The following CACNB2 variants were observed in gnomAD, a reference collection of about 807,000 sequenced individuals.
The protein encoded by CACNB2 is calcium voltage-gated channel auxiliary subunit beta 2, also known as voltage-dependent L-type calcium channel subunit beta-2.
Under a neutral mutation model 73.3 loss-of-function variants are expected in CACNB2, and 42 were observed. The ratio of observed to expected loss-of-function variants is 0.57; its 90% CI spans 0.45 to 0.74. CACNB2 has a LOEUF of 0.74. CACNB2 is among the 30% of genes least tolerant of loss of function. The pLI, the probability that CACNB2 is intolerant of heterozygous loss-of-function variation, is 0.00. For missense variants in CACNB2, 940 were observed against 853.0 expected (o/e 1.10, Z -1.27); for synonymous variants, 348 against 310.3 (o/e 1.12, Z -1.28).
chr10:18,502,848 C>T (rs1397085547), intron 5 of CACNB2, among the ~76,000 whole-genome samples: 3 of 151,818 alleles, frequency 2.0e-5, no homozygotes, highest in African/African-American at 4.8e-5. Context: ...GAAAAACCAC[C>T]TCCTGGGGCA....
At chr10:18,524,460 A>G (rs2052245996) in intron 9 of CACNB2, among the ~76,000 whole-genome samples, 1 of 151,684 alleles carries the variant, frequency 6.6e-6, no homozygotes, top group Non-Finnish European at 1.5e-5. Flanking sequence ...GTTTGAGACC[A>G]GCCTGGCCAA....
At position 18,234,643 on chromosome 10, in the gene CACNB2, T is replaced by G. The variant is rs931719920; in HGVS notation, c.213+83668T>G. Among the ~76,000 whole-genome samples the G allele has an allele frequency of 3.3e-5, 5 of 152,160 alleles. 1 individual carries two copies. The highest frequency in any genetic ancestry group is 7.3e-5 in the Non-Finnish European group (5 of 68,028). ...AAGGACAAATATGGCTTGATTCCAT[T>G]TACTTGAGGTACGTAGAGAAGACAA... is the stretch of plus-strand genomic sequence containing the variant. On this transcript the variant is annotated intron_variant, in intron 2 of 13. Transcript: ENST00000324631.
intron 3 of CACNB2, among the ~76,000 whole-genome samples, chr10:18,464,477 A>G (rs1027707731): frequency 1.4e-5 from 2 of 144,204 alleles, no homozygotes; most frequent in African/African-American, 5.0e-5. Flanking sequence ...TCACTCTTAG[A>G]TTCAATTTTT....
intron 3 of CACNB2, among the ~76,000 whole-genome samples, chr10:18,457,142 A>G (rs1179862074): frequency 1.3e-5 from 2 of 152,192 alleles, no homozygotes; most frequent in African/African-American, 2.4e-5. Context: ...TCCAAGCTGC[A>G]GTGCAGTGTG....
At chr10:18,363,723 A>G (rs923658680) in intron 2 of CACNB2, among the ~76,000 whole-genome samples, 2 of 151,906 alleles carry the variant, frequency 1.3e-5, no homozygotes, top group African/African-American at 4.8e-5. Flanking sequence ...TAACATACTC[A>G]TTATAGCTGT....
At chr10:18,444,785 C>G (rs2046652007) in intron 3 of CACNB2, among the ~76,000 whole-genome samples, 1 of 152,170 alleles carries the variant, frequency 6.6e-6, no homozygotes, top group Non-Finnish European at 1.5e-5. Context: ...TTCTCCCCTT[C>G]CATTTCATAG....
At chr10:18,158,390 T>C (rs1381125024) in intron 2 of CACNB2, among the ~76,000 whole-genome samples, 1 of 152,216 alleles carries the variant, frequency 6.6e-6, no homozygotes, top group Non-Finnish European at 1.5e-5. Flanking sequence ...ATGAATATTA[T>C]TTTCAAATTG....
At chr10:18,161,768 A>AT (rs2032483178) in intron 2 of CACNB2, among the ~76,000 whole-genome samples, 1 of 151,738 alleles carries the variant, frequency 6.6e-6, no homozygotes, top group Admixed American at 6.6e-5. Context: ...TACTAAAAAT[A>AT]TTTTTTAAAA....
intron 2 of CACNB2, among the ~76,000 whole-genome samples, chr10:18,373,487 G>A (rs1337957723): frequency 6.6e-6 from 1 of 152,150 alleles, no homozygotes; most frequent in Non-Finnish European, 1.5e-5. Flanking sequence ...GTTTTTATAT[G>A]CAAAATTTAC....
chr10:18,246,684 GA>G (rs1369845915), intron 2 of CACNB2, among the ~76,000 whole-genome samples: 1 of 152,122 alleles, frequency 6.6e-6, no homozygotes, highest in Non-Finnish European at 1.5e-5. Flanking sequence ...GGGCTCAAGT[GA>G]TCCTCCCGCC....
rs560256737 is a variant in CACNB2 at position 18,502,593 on chromosome 10, A to C, written c.593+1645A>C. ...ATAGTCCCAGCTACTTGAGAAGCTG[A>C]GGCAGAGAATCACTTCGAACCCGGG... is the stretch of plus-strand genomic sequence containing the variant. On this transcript the variant is annotated intron_variant, in intron 5 of 13. Coordinates refer to ENST00000324631, the MANE Select transcript of CACNB2 (RefSeq NM_201596.3). Among the ~76,000 whole-genome samples the C allele has an allele frequency of 1.2e-4, 17 of 147,148 alleles. No homozygotes were observed. The East Asian group carries it at 1.9e-3, about 17-fold the overall frequency.
intron 2 of CACNB2, among the ~76,000 whole-genome samples, chr10:18,370,945 C>G (rs903860380): frequency 1.3e-5 from 2 of 152,034 alleles, no homozygotes; most frequent in Non-Finnish European, 2.9e-5. Context: ...ATTCTCTTAC[C>G]TAAATATTTT....
At chr10:18,302,211 C>T (rs1343870312) in intron 2 of CACNB2, among the ~76,000 whole-genome samples, 1 of 152,062 alleles carries the variant, frequency 6.6e-6, no homozygotes, top group Non-Finnish European at 1.5e-5. Flanking sequence ...GAGATATTGT[C>T]CCAGTGATGC....
intron 2 of CACNB2, among the ~76,000 whole-genome samples, chr10:18,297,320 G>C (rs1448239925): frequency 6.6e-6 from 1 of 152,184 alleles, no homozygotes; most frequent in Non-Finnish European, 1.5e-5. Context: ...CAAGGTAGGG[G>C]ATCACTTGAG....
chr10:18,372,107 T>G (rs558689481), intron 2 of CACNB2, among the ~76,000 whole-genome samples: 1 of 152,320 alleles, frequency 6.6e-6, no homozygotes, highest in Non-Finnish European at 1.5e-5. Context: ...ATATTAGACC[T>G]TTGTCAGATG....
chr10:18,182,418 G>A (rs1215729519), intron 2 of CACNB2, among the ~76,000 whole-genome samples: 2 of 151,938 alleles, frequency 1.3e-5, no homozygotes, highest in East Asian at 3.9e-4. Context: ...AAAACTTTGA[G>A]TTCAATAATA....
intron 7 of CACNB2, among the ~76,000 whole-genome samples, chr10:18,517,261 T>G (rs1048359949): frequency 1.3e-5 from 2 of 152,226 alleles, no homozygotes; most frequent in African/African-American, 4.8e-5. Context: ...TATCGCAGTG[T>G]CTAAGGCCAT....
intron 2 of CACNB2, among the ~76,000 whole-genome samples, chr10:18,258,189 T>C (rs2037365228): frequency 6.6e-6 from 1 of 152,212 alleles, no homozygotes; most frequent in African/African-American, 2.4e-5. Context: ...TGGAATCCTT[T>C]TGTGGATTCT....
rs1169348993 is a variant in CACNB2 at position 18,542,783 on chromosome 10, TAC to T, written c.*3061_*3062del. 2.0e-5 allele frequency: 3 copies of T among 152,164 alleles called. No individual in the cohort carries two copies. The highest frequency in any genetic ancestry group is 7.2e-5 in the African/African-American group (3 of 41,440). The allele number at this position is 152,164 out of a possible 1,614,324, so 9.4% of individuals were successfully genotyped here. ...TTTACTGACCTGCGGAATGTAAAGT[TAC>T]AGTCTTTTCACACAACAAAGGCTTA... On this transcript the variant is annotated 3_prime_UTR_variant, in exon 14 of 14. Transcript: ENST00000324631.
Sources: gnomAD v4.1 joint callset for allele counts (sites outside exome capture counted in the v4.1 genomes callset) on GRCh38, gnomAD v4.1.1 for gene constraint, MANE v1.5 for transcripts, NCBI Gene and HGNC (gene_info 2026-07-23, HGNC 2026-07-21) for gene names.